Variants in TTC29 observed in about 807,000 individuals in gnomAD.
The protein encoded by TTC29 is tetratricopeptide repeat domain 29.
In TTC29, 49 loss-of-function variants were observed where a neutral mutation model predicts 58.1. The observed-to-expected ratio is 0.84, with a 90% confidence interval of 0.67 to 1.07. The LOEUF is 1.07. Ranked by LOEUF, TTC29 falls within the 50% of genes least tolerant of loss-of-function variation. The pLI is 0.00. For synonymous variants in TTC29, 209 were observed against 196.8 expected (o/e 1.06, Z -0.52); for missense variants, 582 against 555.6 (o/e 1.05, Z -0.48).
chr4:146,740,644 A>G (rs994800929), intron 11 of TTC29, among the ~76,000 whole-genome samples: 3 of 152,172 alleles, frequency 2.0e-5, no homozygotes, highest in African/African-American at 7.2e-5. Context: ...GGGTATTCAA[A>G]GTACCAGACT....
chr4:146,937,026 G>A (rs1249144028), intron 4 of TTC29, among the ~76,000 whole-genome samples: 1 of 151,894 alleles, frequency 6.6e-6, no homozygotes, highest in Non-Finnish European at 1.5e-5. Context: ...AACCTACATT[G>A]ATTTTTGTAC....
At chr4:146,933,335 T>A (rs1735494974) in intron 4 of TTC29, among the ~76,000 whole-genome samples, 1 of 152,234 alleles carries the variant, frequency 6.6e-6, no homozygotes, top group Non-Finnish European at 1.5e-5. Flanking sequence ...TGTCCCCAGA[T>A]GATTTTGTTT....
intron 8 of TTC29, among the ~76,000 whole-genome samples, chr4:146,862,755 C>G (rs1730318231): frequency 6.6e-6 from 1 of 152,146 alleles, no homozygotes; most frequent in Non-Finnish European, 1.5e-5. Context: ...TAGCAGTGAG[C>G]CTGAGGGCTG....
intron 8 of TTC29, among the ~76,000 whole-genome samples, chr4:146,849,526 A>G (rs1386786608): frequency 6.6e-6 from 1 of 152,094 alleles, no homozygotes; most frequent in Non-Finnish European, 1.5e-5. Context: ...TTAGATGTCA[A>G]CCTCATGCTT....
At chr4:146,848,689 T>C (rs1314104750) in intron 8 of TTC29, among the ~76,000 whole-genome samples, 2 of 152,164 alleles carry the variant, frequency 1.3e-5, no homozygotes, top group African/African-American at 4.8e-5. Context: ...TACTTAGACA[T>C]TGAGAATTAC....
intron 8 of TTC29, among the ~76,000 whole-genome samples, chr4:146,839,818 C>T (rs1015969983): frequency 4.0e-5 from 6 of 151,706 alleles, no homozygotes; most frequent in African/African-American, 1.5e-4. Context: ...CTTTGGTGCA[C>T]CTCCTTTAAC....
At chr4:146,899,970 T>C (rs189580490) in intron 6 of TTC29, among the ~76,000 whole-genome samples, 5 of 152,348 alleles carry the variant, frequency 3.3e-5, no homozygotes, top group African/African-American at 1.2e-4. Flanking sequence ...TTCGCTTGTC[T>C]GGACCAATCA....
intron 11 of TTC29, among the ~76,000 whole-genome samples, chr4:146,779,695 C>G (rs1303496890): frequency 6.6e-6 from 1 of 152,112 alleles, no homozygotes; most frequent in African/African-American, 2.4e-5. Flanking sequence ...GTCTGGGCAC[C>G]ACAGCACTTA....
intron 11 of TTC29, among the ~76,000 whole-genome samples, chr4:146,708,332 A>ATACACATG (rs1742168765): frequency 1.5e-4 from 10 of 68,232 alleles, no homozygotes; most frequent in African/African-American, 4.1e-4. Context: ...ATATATATAT[A>ATACACATG]TATATATATA....
intron 11 of TTC29, among the ~76,000 whole-genome samples, chr4:146,761,946 C>G (rs1056328214): frequency 1.3e-5 from 2 of 151,616 alleles, no homozygotes; most frequent in African/African-American, 4.8e-5. Context: ...AAAATGTTGC[C>G]TGTTAGCAGA....
At chr4:146,709,841 G>A (rs969849272) in intron 11 of TTC29, among the ~76,000 whole-genome samples, 1 of 152,136 alleles carries the variant, frequency 6.6e-6, no homozygotes, top group South Asian at 2.1e-4. Flanking sequence ...TGTGGCAAGA[G>A]TTACTCACCT....
intron 8 of TTC29, among the ~76,000 whole-genome samples, chr4:146,834,573 G>A (rs950569679): frequency 9.2e-5 from 14 of 152,176 alleles, no homozygotes; most frequent in Non-Finnish European, 1.2e-4. Flanking sequence ...ACATAAAACA[G>A]AATCCCCATT....
At chr4:146,809,727 C>T (rs1177499940) in intron 10 of TTC29, among the ~76,000 whole-genome samples, 2 of 149,832 alleles carry the variant, frequency 1.3e-5, no homozygotes, top group Admixed American at 1.4e-4. Context: ...CCATCTCATG[C>T]CAGTTAGAAT....
intron 9 of TTC29, among the ~76,000 whole-genome samples, chr4:146,821,735 T>C (rs779772234): frequency 2.0e-5 from 3 of 152,342 alleles, no homozygotes; most frequent in Non-Finnish European, 2.9e-5. Flanking sequence ...GTTTGGAGTC[T>C]ATGATTGTAA....
intron 11 of TTC29, among the ~76,000 whole-genome samples, chr4:146,716,020 C>T (rs968124199): frequency 6.6e-6 from 1 of 152,038 alleles, no homozygotes; most frequent in Non-Finnish European, 1.5e-5. Flanking sequence ...TTTGTTTTTA[C>T]ATTTTAGTTT....
chr4:146,775,544 C>CTTT (rs35456033), intron 11 of TTC29, among the ~76,000 whole-genome samples: 2 of 135,704 alleles, frequency 1.5e-5, no homozygotes, highest in South Asian at 4.7e-4. Context: ...GTTGAAATTT[C>CTTT]TTTTTTTTTT....
intron 11 of TTC29, among the ~76,000 whole-genome samples, chr4:146,798,141 T>C (rs943420598): frequency 6.6e-6 from 1 of 152,038 alleles, no homozygotes; most frequent in South Asian, 2.1e-4. Context: ...CTTGAACATA[T>C]GGACTATAGG....
chr4:146,825,266 G>A (rs1306406197), intron 9 of TTC29, among the ~76,000 whole-genome samples: 1 of 152,112 alleles, frequency 6.6e-6, no homozygotes, highest in Non-Finnish European at 1.5e-5. Flanking sequence ...TTTTAACACT[G>A]CTTTAGCTGT....
chr4:146,883,991 T>C (rs1340328109), intron 6 of TTC29, among the ~76,000 whole-genome samples: 1 of 152,144 alleles, frequency 6.6e-6, no homozygotes, highest in African/African-American at 2.4e-5. Context: ...ATTTTTATTC[T>C]AAATTCCATT....
Sources: allele counts gnomAD v4.1 joint callset (sites outside exome capture counted in the v4.1 genomes callset), GRCh38; gene constraint gnomAD v4.1.1; transcripts MANE v1.5; gene names NCBI Gene and HGNC (gene_info 2026-07-23, HGNC 2026-07-21).